FNDC1: variants seen among roughly 807,000 people sequenced by gnomAD.
The protein encoded by FNDC1 is fibronectin type III domain containing 1.
In FNDC1, 96 loss-of-function variants were observed where a neutral mutation model predicts 168.0. The ratio of observed to expected loss-of-function variants is 0.57; its 90% CI spans 0.48 to 0.68. The LOEUF is 0.68. Among genes scored for constraint, FNDC1 ranks in the 30% least tolerant of loss-of-function variants. The probability of loss-of-function intolerance (pLI) is 0.00; values close to 1 mark genes in which losing one functional copy is unlikely to be tolerated. For synonymous variants in FNDC1, 1,099 were observed against 1,025.9 expected (o/e 1.07, Z -1.36); for missense variants, 2,587 against 2,482.1 (o/e 1.04, Z -0.90).
chr6:159,178,629 A>G (rs937208399), intron 1 of FNDC1, among the ~76,000 whole-genome samples: 1 of 151,994 alleles, frequency 6.6e-6, no homozygotes, highest in Non-Finnish European at 1.5e-5. Flanking sequence ...CATTTTAAGA[A>G]TGTCATATAA....
At chr6:159,265,337 T>TTTACG (rs945057552) in intron 20 of FNDC1, among the ~76,000 whole-genome samples, 1 of 152,144 alleles carries the variant, frequency 6.6e-6, no homozygotes, top group African/African-American at 2.4e-5. Context: ...AACAGCAAGT[T>TTTACG]TTACGTTGTT....
intron 1 of FNDC1, among the ~76,000 whole-genome samples, chr6:159,171,877 C>G (rs1192304385): frequency 6.6e-6 from 1 of 152,118 alleles, no homozygotes; most frequent in African/African-American, 2.4e-5. Context: ...TTTTCCATGT[C>G]AAAACTATTT....
chr6:159,271,423 C>T lies in FNDC1; in HGVS notation c.5666C>T (p.Ser1889Phe). The T allele has an allele frequency of 1.2e-6, 2 of 1,610,004 alleles. No individual in the cohort carries two copies. Among genetic ancestry groups the T allele is most frequent in the South Asian group, 2.2e-5 (2 of 89,896 alleles). ...GTGGGCTGGTACGAGTGTGGGGTCT[C>T]CATCCCTGGAAAGTGGTAATCACAG... ...YYVGWYECGVSIPGKW is the reference protein window; with the variant it reads ...YYVGWYECGVFIPGKW The change falls in exon 23 of 23, where the codon TCC (serine) becomes TTC (phenylalanine). Residue 1889 changes from serine (S) to phenylalanine (F), a missense_variant. Physicochemically the swap from Ser to Phe is radical, Grantham distance 155 (BLOSUM62 -2). Transcript: ENST00000297267.
Position 159,233,931 on chromosome 6 carries a change from G to C in FNDC1, c.3419G>C (p.Arg1140Pro). The C allele has an allele frequency of 6.4e-7, 1 of 1,554,504 alleles. No homozygotes were observed. The highest frequency in any genetic ancestry group is 8.7e-7 in the Non-Finnish European group (1 of 1,149,040). The part of the protein sequence containing the change: ...GHAASPARPS[R>P]PGGPQSRARV... ...GCGGCCTCCCCCGCCAGGCCCAGCC[G>C]ACCCGGCGGCCCCCAGTCCCGCGCC... The change falls in exon 11 of 23, where the codon CGA becomes CCA. Residue 1140 changes from arginine to proline, a missense_variant. Coordinates refer to ENST00000297267, the MANE Select transcript of FNDC1 (RefSeq NM_032532.3). The surrounding 1 kb of genome is among the most constrained non-coding windows in gnomAD (Gnocchi z 4.6).
At chr6:159,223,722 A>G (rs543292441) in intron 7 of FNDC1, 77 bp downstream of exon 7, 3 of 831,392 alleles carry the variant, frequency 3.6e-6, no homozygotes, top group Admixed American at 5.2e-5. Context: ...GTATTTAATG[A>G]TTTTATTTTC....
intron 17 of FNDC1, 124 bp from the exon 18 acceptor site, chr6:159,256,399 T>A (rs1777373993): frequency 1.4e-6 from 1 of 716,296 alleles, no homozygotes; most frequent in East Asian, 2.5e-5. Flanking sequence ...CGTGCCCTCC[T>A]TCCTGTAGTT....
intron 17 of FNDC1, among the ~76,000 whole-genome samples, chr6:159,252,256 A>G (rs1242508850): frequency 6.6e-6 from 1 of 152,218 alleles, no homozygotes; most frequent in Admixed American, 6.5e-5. Flanking sequence ...TGTAAGAGGA[A>G]GAAGTATGGC....
rs968256527 is a variant in FNDC1, at chr6:159,232,168, G to T, written c.1656G>T (p.Ser552=). 3 of 1,613,752 alleles carry T rather than the reference G, an allele frequency of 1.9e-6. No homozygotes were observed. The highest frequency in any genetic ancestry group is 1.3e-5 in the African/African-American group (1 of 75,000). Residue 552 remains serine (S), a synonymous_variant, in exon 11 of 23, where the codon TCG becomes TCT. Transcript: ENST00000297267. The surrounding 1 kb of genome is among the most constrained non-coding windows in gnomAD (Gnocchi z 4.9). ...AGGAGCTGGGTTCCCGGGAGGACTC[G>T]CCCATGTCACCCTCAGACACCCAAG... ...GEEELGSRED[S]PMSPSDTQDQ... is the part of the protein sequence containing the mutation.
intron 1 of FNDC1, among the ~76,000 whole-genome samples, chr6:159,172,234 G>A (rs1305581154): frequency 6.6e-6 from 1 of 152,228 alleles, no homozygotes; most frequent in Non-Finnish European, 1.5e-5. Context: ...GGAAGCACTG[G>A]TGTGATTGTT....
chr6:159,249,510 C>A (rs1315871289), intron 16 of FNDC1, among the ~76,000 whole-genome samples: 1 of 152,220 alleles, frequency 6.6e-6, no homozygotes, highest in South Asian at 2.1e-4. Context: ...TTTTCTACGA[C>A]AAGACTTACC....
chr6:159,169,730 G>GC lies in FNDC1; in HGVS notation c.109+26dup. The GC allele has an allele frequency of 1.0e-6, 1 of 958,946 alleles. No homozygotes were observed. Among genetic ancestry groups the GC allele is most frequent in the Non-Finnish European group, 1.3e-6 (1 of 761,952 alleles). 59.4% of individuals were successfully genotyped at this position (958,946 alleles called of 1,614,324 possible). ...GGTACGCGCCGCGCCCGGGCCCCCG[G>GC]CGCTCCTCAGCTCCCCGCGCACCCT... On this transcript the variant is annotated intron_variant, in intron 1 of 22. Coordinates refer to ENST00000297267, the MANE Select transcript of FNDC1 (RefSeq NM_032532.3). This position sits in a 1 kb window ranked among gnomAD's most constrained non-coding sequence, Gnocchi z 6.8.
At chr6:159,252,152 T>C (rs1228472783) in intron 17 of FNDC1, among the ~76,000 whole-genome samples, 3 of 152,196 alleles carry the variant, frequency 2.0e-5, no homozygotes, top group Non-Finnish European at 4.4e-5. Context: ...CAAGGACATA[T>C]TTGAAGATAC....
intron 1 of FNDC1, among the ~76,000 whole-genome samples, chr6:159,177,374 T>C (rs1020136528): frequency 6.6e-6 from 1 of 152,150 alleles, no homozygotes; most frequent in Non-Finnish European, 1.5e-5. Flanking sequence ...TGTGCGGTGA[T>C]GTCTCCTAAT....
chr6:159,251,260 A>G, intron 16 of FNDC1, 42 bp from the exon 17 acceptor site: 1 of 1,484,968 alleles, frequency 6.7e-7, no homozygotes, highest in Non-Finnish European at 9.3e-7. Flanking sequence ...CCTCCAGAAA[A>G]AGCCTCCAGC....
At chr6:159,255,630 T>C (rs1304953498) in intron 17 of FNDC1, among the ~76,000 whole-genome samples, 1 of 152,248 alleles carries the variant, frequency 6.6e-6, no homozygotes, top group Non-Finnish European at 1.5e-5. Context: ...AGACAAGATA[T>C]TTAACCTATT....
chr6:159,257,115 G>A (rs113216916), intron 18 of FNDC1, among the ~76,000 whole-genome samples: 2 of 152,220 alleles, frequency 1.3e-5, no homozygotes, highest in African/African-American at 4.8e-5. Flanking sequence ...AGGCGTGGCT[G>A]GCCAGAGAAT....
intron 16 of FNDC1, among the ~76,000 whole-genome samples, chr6:159,250,393 G>T (rs1167118315): frequency 1.3e-5 from 2 of 152,204 alleles, no homozygotes; most frequent in Non-Finnish European, 2.9e-5. Context: ...ACTGCATTCA[G>T]TCCAAATAGC....
intron 17 of FNDC1, 116 bp from the exon 18 acceptor site, chr6:159,256,407 G>A: frequency 2.7e-6 from 2 of 743,384 alleles, no homozygotes; most frequent in South Asian, 1.7e-5. Context: ...CCTTCCTGTA[G>A]TTCCCACATG....
rs71033526 is a variant in FNDC1 at position 159,269,455 on chromosome 6, C to CATCTATCTATCT, written c.5569+1565_5569+1576dup. 2.9e-4 allele frequency among the ~76,000 whole-genome samples: 27 copies of CATCTATCTATCT among 94,018 alleles called. 1 individual carries two copies. The highest frequency in any genetic ancestry group is 8.0e-4 in the South Asian group (2 of 2,502). 61.7% of individuals were successfully genotyped at this position (94,018 alleles called of 152,430 possible). A position where few individuals can be genotyped will look rare whatever the true frequency, so the allele number is the denominator to read the frequency against. ...TATCCATCCATTATCTACCTATTCA[C>CATCTATCTATCT]ATCTATCTATCTATCTATCTATCTA... On this transcript the variant is annotated intron_variant, in intron 22 of 22. Coordinates refer to ENST00000297267, the MANE Select transcript of FNDC1 (RefSeq NM_032532.3).
Sources: gnomAD v4.1 joint callset for allele counts (sites outside exome capture counted in the v4.1 genomes callset) on GRCh38, gnomAD v4.1.1 for gene constraint, Gnocchi (gnomAD v3.1) non-coding constraint, MANE v1.5 for transcripts, NCBI Gene and HGNC (gene_info 2026-07-23, HGNC 2026-07-21) for gene names.